Variants in USP6NL observed in about 807,000 individuals in gnomAD.
USP6NL encodes USP6 N-terminal like, also known as USP6 N-terminal-like protein.
A neutral mutation model predicts 61.9 loss-of-function variants in USP6NL; 26 were observed. That is an observed-to-expected ratio of 0.42 (90% CI 0.31 to 0.58). The LOEUF is 0.58. Ranked by LOEUF, USP6NL falls within the 20% of genes least tolerant of loss-of-function variation. USP6NL has a pLI of 0.16. For synonymous variants in USP6NL, 432 were observed against 390.1 expected (o/e 1.11, Z -1.27); for missense variants, 1,114 against 1,034.3 (o/e 1.08, Z -1.06).
intron 6 of USP6NL, among the ~76,000 whole-genome samples, chr10:11,506,099 G>T (rs1838472712): frequency 6.6e-6 from 1 of 152,140 alleles, no homozygotes; most frequent in Non-Finnish European, 1.5e-5. Context: ...ACATTCTTTT[G>T]CTTGTTGCTA....
In USP6NL at chr10:11,555,471, A is replaced by AGAGAGAGAG. The variant is rs1566178235; in HGVS notation, c.5-27905_5-27904insCTCTCTCTC. On this transcript the variant is annotated intron_variant, in intron 2 of 14. Transcript: ENST00000609104. ...ATATATAGAGAGAGAGAGAGAGAGA[A>AGAGAGAGAG]AGAGAGAGAGAGAGAGAGAGAGAAG... is the stretch of plus-strand genomic sequence containing the variant. Among the ~76,000 whole-genome samples the AGAGAGAGAG allele has an allele frequency of 2.9e-4, 18 of 62,168 alleles. 1 individual carries two copies. The East Asian group carries it at 0.011, about 39-fold the overall frequency. 40.8% of individuals were successfully genotyped at this position (62,168 alleles called of 152,430 possible).
rs1362907900 is a variant in USP6NL, at chr10:11,482,347, A to G, written c.926-425T>C. Among the ~76,000 whole-genome samples the G allele has an allele frequency of 6.6e-6, 1 of 152,232 alleles. No individual in the cohort carries two copies. The highest frequency in any genetic ancestry group is 1.5e-5 in the Non-Finnish European group (1 of 68,038). ...TTCTTACTGTTTCAGAATTTCCCAG[A>G]ACATCTGGATTATTAATTTTGTGAG... On this transcript the variant is annotated intron_variant, in intron 13 of 14. Coordinates refer to ENST00000609104, the MANE Select transcript of USP6NL (RefSeq NM_014688.5). The surrounding 1 kb of genome is among the most constrained non-coding windows in gnomAD (Gnocchi z 4.0).
intron 2 of USP6NL, among the ~76,000 whole-genome samples, chr10:11,535,933 T>C (rs944819628): frequency 1.3e-5 from 2 of 152,200 alleles, no homozygotes; most frequent in Non-Finnish European, 2.9e-5. Flanking sequence ...ACACCATTGA[T>C]AAAAATGCCA....
Position 11,543,369 on chromosome 10 carries a change from G to A in USP6NL, c.5-15802C>T, listed in dbSNP as rs12783754. ...ATCCTGGCTAACACGGTGAAACCCC[G>A]TCTCTACTAAAAAACACAAAAAATT... is the stretch of plus-strand genomic sequence containing the variant. On this transcript the variant is annotated intron_variant, in intron 2 of 14. Transcript: ENST00000609104. Among the ~76,000 whole-genome samples the A allele has an allele frequency of 7.4e-3, 1,128 of 152,064 alleles. 3 individuals carry two copies. The highest frequency in any genetic ancestry group is 0.012 in the South Asian group (57 of 4,814).
chr10:11,538,521 T>C (rs1835927771), intron 2 of USP6NL, among the ~76,000 whole-genome samples: 1 of 152,180 alleles, frequency 6.6e-6, no homozygotes, highest in African/African-American at 2.4e-5. Context: ...AAATATTTCT[T>C]GAAAAGCATA....
intron 2 of USP6NL, chr10:11,565,056 A>AG (rs1178935362): frequency 4.6e-5 from 7 of 152,206 alleles, no homozygotes; most frequent in African/African-American, 1.7e-4. Context: ...ATTCTACAGG[A>AG]GTTAACGTTT....
rs1221286590 is a variant in USP6NL, at chr10:11,575,210, T to C, written c.4+22421A>G. Reference sequence around the variant, plus strand: ...TCAAAACTGTGATCTTGAATCCTTCTGTAGATGTAAATTTAAACAAATAAA... The same window carrying C: ...TCAAAACTGTGATCTTGAATCCTTCCGTAGATGTAAATTTAAACAAATAAA... On this transcript the variant is annotated intron_variant, in intron 2 of 14. Coordinates refer to ENST00000609104, the MANE Select transcript of USP6NL (RefSeq NM_014688.5). The surrounding 1 kb of genome is among the most constrained non-coding windows in gnomAD (Gnocchi z 4.2). Among the ~76,000 whole-genome samples, 1 of 152,240 alleles carries C rather than the reference T, an allele frequency of 6.6e-6. No individual in the cohort carries two copies. The highest frequency in any genetic ancestry group is 2.4e-5 in the African/African-American group (1 of 41,462).
chr10:11,483,079 A>T (rs1833272708), intron 13 of USP6NL, among the ~76,000 whole-genome samples: 1 of 152,182 alleles, frequency 6.6e-6, no homozygotes, highest in Non-Finnish European at 1.5e-5. Context: ...AGCTCTCCAG[A>T]GCTTACTCCT....
intron 2 of USP6NL, among the ~76,000 whole-genome samples, chr10:11,578,334 T>C (rs1179315778): frequency 6.6e-6 from 1 of 152,234 alleles, no homozygotes; most frequent in African/African-American, 2.4e-5. Context: ...CCATTTTTCT[T>C]GTTTTACTGC....
rs767937114 is a variant in USP6NL, at chr10:11,496,201, C to A, written c.385-2973G>T. Among the ~76,000 whole-genome samples, 9 of 152,250 alleles carry A rather than the reference C, an allele frequency of 5.9e-5. No individual in the cohort carries two copies. Among genetic ancestry groups the A allele is most frequent in the Non-Finnish European group, 1.3e-4 (9 of 68,034 alleles). ...TTCATCCTCGCCAAATAACAAACCT[C>A]CAGTCTTGGGCTAGCACTGAGGGAG... On this transcript the variant is annotated intron_variant, in intron 7 of 14. Coordinates refer to ENST00000609104, the MANE Select transcript of USP6NL (RefSeq NM_014688.5). The surrounding 1 kb of genome is among the most constrained non-coding windows in gnomAD (Gnocchi z 5.4).
At position 11,532,240 on chromosome 10, in the gene USP6NL, C is replaced by G; in HGVS notation, c.5-4673G>C. 1 of 1,595,632 alleles carries G rather than the reference C, an allele frequency of 6.3e-7. No individual in the cohort carries two copies. The highest frequency in any genetic ancestry group is 8.5e-7 in the Non-Finnish European group (1 of 1,171,080). On this transcript the variant is annotated intron_variant, in intron 2 of 14. Coordinates refer to ENST00000609104, the MANE Select transcript of USP6NL (RefSeq NM_014688.5). The surrounding 1 kb of genome is among the most constrained non-coding windows in gnomAD (Gnocchi z 4.1). ...AACAGCTTCAGTCCTCATAGAGTAA[C>G]TTATCTATTCCAAGATTTCATTATT...
chr10:11,486,360 C>T (rs188870299), intron 10 of USP6NL, among the ~76,000 whole-genome samples: 1 of 151,864 alleles, frequency 6.6e-6, no homozygotes, highest in Non-Finnish European at 1.5e-5. Context: ...ATAAAGTTCC[C>T]AAAGTTTTAA....
rs1838398560 is a variant in USP6NL at position 11,598,373 on chromosome 10, T to C, written c.-83-656A>G. On this transcript the variant is annotated intron_variant, in intron 1 of 14. Coordinates refer to ENST00000609104, the MANE Select transcript of USP6NL (RefSeq NM_014688.5). The surrounding 1 kb of genome is among the most constrained non-coding windows in gnomAD (Gnocchi z 4.7). ...TGATACTACACATAAAATTTTGTAC[T>C]TGTTCCTTTCCACTTAAGAGCATAA... Among the ~76,000 whole-genome samples, 3 of 152,190 alleles carry C rather than the reference T, an allele frequency of 2.0e-5. No individual in the cohort carries two copies. Among genetic ancestry groups the C allele is most frequent in the Admixed American group, 2.0e-4 (3 of 15,274 alleles).
At position 11,490,686 on chromosome 10, in the gene USP6NL, T is replaced by A; in HGVS notation, c.543+146A>T. ...CTAAGGCCCTAGGGTTATCACAGGG[T>A]TTCAGCTTAAAAAGATCCACAGAGC... On this transcript the variant is annotated intron_variant, in intron 9 of 14. Coordinates refer to ENST00000609104, the MANE Select transcript of USP6NL (RefSeq NM_014688.5). The surrounding 1 kb of genome is among the most constrained non-coding windows in gnomAD (Gnocchi z 4.5). The A allele has an allele frequency of 1.3e-6, 1 of 791,712 alleles. No individual in the cohort carries two copies. Among genetic ancestry groups the A allele is most frequent in the Non-Finnish European group, 2.0e-6 (1 of 498,644 alleles). 49.0% of individuals were successfully genotyped at this position (791,712 alleles called of 1,614,324 possible).
chr10:11,571,946 C>T (rs1311250915), intron 2 of USP6NL, among the ~76,000 whole-genome samples: 1 of 149,864 alleles, frequency 6.7e-6, no homozygotes, highest in Non-Finnish European at 1.5e-5. Context: ...ATATACTACT[C>T]CTACTACTTT....
At chr10:11,599,149 T>G (rs1473115604) in intron 1 of USP6NL, among the ~76,000 whole-genome samples, 1 of 152,206 alleles carries the variant, frequency 6.6e-6, no homozygotes, top group Non-Finnish European at 1.5e-5. Context: ...TTTGTTTTCC[T>G]GCCTAGGAAA....
rs72777671 is a variant in USP6NL, at chr10:11,585,586, C to T, written c.4+12045G>A. 0.042 allele frequency among the ~76,000 whole-genome samples: 6,400 copies of T among 152,114 alleles called. 184 individuals carry two copies. Among genetic ancestry groups the T allele is most frequent in the Non-Finnish European group, 0.068 (4,595 of 67,982 alleles). ...CTGAGGAACGGGAATGGCGCGAACC[C>T]GGGATGCGGAGCTTTCAGTGAGCCG... On this transcript the variant is annotated intron_variant, in intron 2 of 14. Coordinates refer to ENST00000609104, the MANE Select transcript of USP6NL (RefSeq NM_014688.5). This position sits in a 1 kb window ranked among gnomAD's most constrained non-coding sequence, Gnocchi z 4.5.
chr10:11,577,216 C>T (rs1052727211), intron 2 of USP6NL, among the ~76,000 whole-genome samples: 5 of 151,528 alleles, frequency 3.3e-5, no homozygotes, highest in African/African-American at 1.2e-4. Flanking sequence ...TGCCACCAGG[C>T]CAGATGCCAG....
intron 4 of USP6NL, among the ~76,000 whole-genome samples, chr10:11,521,774 T>A (rs1258377710): frequency 6.6e-6 from 1 of 152,258 alleles, no homozygotes; most frequent in East Asian, 1.9e-4. Context: ...TCTGCTTTTA[T>A]AAATATACAC....
Sources: allele counts gnomAD v4.1 joint callset (sites outside exome capture counted in the v4.1 genomes callset), GRCh38; gene constraint gnomAD v4.1.1; non-coding constraint Gnocchi (gnomAD v3.1); transcripts MANE v1.5; gene names NCBI Gene and HGNC (gene_info 2026-07-23, HGNC 2026-07-21).